The following ANKRD36 variants were observed in gnomAD, a reference collection of about 807,000 sequenced individuals.
ANKRD36 encodes ankyrin repeat domain 36.
ANKRD36 carries 179 observed loss-of-function variants against 278.1 expected under a neutral mutation model. The ratio of observed to expected loss-of-function variants is 0.64; its 90% confidence interval spans 0.57 to 0.73. The LOEUF is 0.73. Ranked by LOEUF, ANKRD36 falls within the 30% of genes least tolerant of loss-of-function variation. ANKRD36 has a pLI of 0.00. For missense variants in ANKRD36, 1,159 were observed against 1,956.7 expected (o/e 0.59, Z 7.69); for synonymous variants, 320 against 641.1 (o/e 0.50, Z 7.57).
intron 30 of ANKRD36, among the ~76,000 whole-genome samples, chr2:97,185,894 C>T (rs200459921): frequency 1.3e-5 from 2 of 151,664 alleles, no homozygotes; most frequent in African/African-American, 2.4e-5. Flanking sequence ...GAAAAGTGAT[C>T]GTAATAACCA....
chr2:97,195,321 AAGG>A (rs2059467340), intron 40 of ANKRD36, among the ~76,000 whole-genome samples: 1 of 151,966 alleles, frequency 6.6e-6, no homozygotes. Context: ...GACACTGTAG[AAGG>A]AGAACTGAGG....
chr2:97,130,588 G>GA (rs574132135), intron 6 of ANKRD36, among the ~76,000 whole-genome samples: 3,246 of 143,810 alleles, frequency 0.023, 118 homozygotes, highest in African/African-American at 0.074. Context: ...CTAAAAGTAT[G>GA]AAAAAAAAAA....
intron 66 of ANKRD36, among the ~76,000 whole-genome samples, chr2:97,221,981 T>G (rs1333334827): frequency 3.7e-4 from 55 of 149,186 alleles, no homozygotes; most frequent in Admixed American, 6.0e-4. Flanking sequence ...GGATCCAGTT[T>G]CAGCTTTCTA....
At chr2:97,141,915 G>T (rs2042994500) in intron 6 of ANKRD36, among the ~76,000 whole-genome samples, 1 of 152,220 alleles carries the variant, frequency 6.6e-6, no homozygotes, top group Non-Finnish European at 1.5e-5. Flanking sequence ...TTATTTTGTA[G>T]AAGTATGTCA....
chr2:97,113,798 G>T lies in ANKRD36; in HGVS notation c.59G>T (p.Gly20Val). The T allele has an allele frequency of 6.2e-7, 1 of 1,612,994 alleles. No individual in the cohort carries two copies. The highest frequency in any genetic ancestry group is 8.5e-7 in the Non-Finnish European group (1 of 1,179,996). The change falls in exon 1 of 76, where the codon GGC becomes GTC. Residue 20 changes from glycine to valine, a missense_variant. Coordinates refer to ENST00000420699, the MANE Select transcript of ANKRD36 (RefSeq NM_001354587.1). Reference sequence around the variant, plus strand: ...CTCATGGAGCGCTTGTGCTCGGATGGCTTCGCATTTCCCCAATACCCCATT... The same window carrying T: ...CTCATGGAGCGCTTGTGCTCGGATGTCTTCGCATTTCCCCAATACCCCATT... ...PTLMERLCSD[G>V]FAFPQYPIKP... is the part of the protein sequence containing the mutation.
intron 44 of ANKRD36, among the ~76,000 whole-genome samples, chr2:97,199,346 T>G (rs1157273432): frequency 1.3e-5 from 2 of 151,930 alleles, no homozygotes; most frequent in African/African-American, 4.8e-5. Flanking sequence ...ATACATGTTT[T>G]GTTGATTTTA....
intron 42 of ANKRD36, among the ~76,000 whole-genome samples, chr2:97,198,083 T>C (rs1376013490): frequency 2.6e-5 from 4 of 152,024 alleles, no homozygotes; most frequent in South Asian, 2.1e-4. Flanking sequence ...TTTTGATTTG[T>C]TGCATGAAAG....
chr2:97,147,142 GACA>G (rs2044480215), intron 11 of ANKRD36, among the ~76,000 whole-genome samples: 1 of 151,752 alleles, frequency 6.6e-6, no homozygotes, highest in African/African-American at 2.4e-5. Flanking sequence ...ACCATGTTAT[GACA>G]ACTATATTTA....
At chr2:97,176,053 T>C (rs1286904441) in intron 22 of ANKRD36, among the ~76,000 whole-genome samples, 1 of 151,742 alleles carries the variant, frequency 6.6e-6, no homozygotes, top group African/African-American at 2.4e-5. Flanking sequence ...AAGTATGTGG[T>C]CAATTTTGGA....
At chr2:97,234,988 A>G (rs1215727382) in intron 68 of ANKRD36, among the ~76,000 whole-genome samples, 1 of 139,890 alleles carries the variant, frequency 7.1e-6, no homozygotes, top group Non-Finnish European at 1.5e-5. Flanking sequence ...GCTTTGTAGT[A>G]TCTTTTGAAG....
At position 97,244,023 on chromosome 2, in the gene ANKRD36, A is replaced by G. The variant is rs1225718092; in HGVS notation, c.4485A>G (p.Ser1495=). The change falls in exon 70 of 76, where the codon TCA becomes TCG. Residue 1495 remains serine (S), a synonymous_variant. Transcript: ENST00000420699. ...AATTGAAGACAGGAGGAAATAATTC[A>G]AATCAGGTAAATTAATGTTTGGTAA... ...EVELKTGGNN[S]NQVSETDEKE... The G allele has an allele frequency of 6.4e-6, 10 of 1,568,002 alleles. No individual in the cohort carries two copies. The highest frequency in any genetic ancestry group is 1.2e-5 in the South Asian group (1 of 85,970).
At chr2:97,196,002 C>T (rs1186609117) in intron 40 of ANKRD36, among the ~76,000 whole-genome samples, 3 of 151,962 alleles carry the variant, frequency 2.0e-5, no homozygotes, top group Admixed American at 2.0e-4. Context: ...CAAATTATTA[C>T]ACTACATGGG....
intron 32 of ANKRD36, among the ~76,000 whole-genome samples, chr2:97,188,861 C>A (rs140847070): frequency 2.2e-5 from 2 of 89,852 alleles, no homozygotes; most frequent in East Asian, 4.4e-4. Flanking sequence ...CGACATATGA[C>A]GAATCATACC....
chr2:97,196,762 A>G lies in ANKRD36; in HGVS notation c.2627A>G (p.Asn876Ser), dbSNP rs1488021201. 6.4e-7 allele frequency: 1 copy of G among 1,551,130 alleles called. No homozygotes were observed. The highest frequency in any genetic ancestry group is 8.7e-7 in the Non-Finnish European group (1 of 1,149,698). The change falls in exon 42 of 76, where the codon AAC becomes AGC. Residue 876 changes from asparagine to serine, a missense_variant. Asn to Ser is a conservative substitution (Grantham distance 46). Transcript: ENST00000420699. ...EDSVLGIARE[N>S]KDGEKSRTVS... ...TCTGTTTTGGGTATAGCCAGAGAAA[A>G]CAAGGATGGAGAAAAATCTAGGACA...
At chr2:97,137,565 G>A (rs1371588511) in intron 6 of ANKRD36, among the ~76,000 whole-genome samples, 2 of 143,702 alleles carry the variant, frequency 1.4e-5, no homozygotes, top group Admixed American at 7.2e-5. Context: ...GAGATTACAG[G>A]AACAAGCCAC....
intron 54 of ANKRD36, among the ~76,000 whole-genome samples, chr2:97,208,334 A>C (rs1242403679): frequency 6.8e-6 from 1 of 146,638 alleles, no homozygotes; most frequent in Non-Finnish European, 1.5e-5. Flanking sequence ...AAAGAGAGGA[A>C]GTATAGAATT....
At chr2:97,211,485 A>G (rs2064583116) in intron 56 of ANKRD36, 61 bp from the exon 57 acceptor site, 2 of 1,581,938 alleles carry the variant, frequency 1.3e-6, no homozygotes, top group African/African-American at 1.4e-5. Flanking sequence ...CACTGTATGA[A>G]TGTATGGATA....
intron 56 of ANKRD36, 43 bp downstream of exon 56, chr2:97,209,915 G>A: frequency 1.9e-6 from 3 of 1,542,152 alleles, no homozygotes; most frequent in Non-Finnish European, 2.6e-6. Context: ...AGTCCAGATA[G>A]GTAAGAAATT....
chr2:97,163,049 T>A (rs62153881), intron 18 of ANKRD36, among the ~76,000 whole-genome samples: 1 of 151,556 alleles, frequency 6.6e-6, no homozygotes, highest in East Asian at 1.9e-4. Flanking sequence ...GGGAGGATCA[T>A]GAGGTCAGGA....
Sources: gnomAD v4.1 joint callset for allele counts (sites outside exome capture counted in the v4.1 genomes callset) on GRCh38, gnomAD v4.1.1 for gene constraint, MANE v1.5 for transcripts, NCBI Gene and HGNC (gene_info 2026-07-23, HGNC 2026-07-21) for gene names.